Variants in AGAP4 observed in about 807,000 individuals in gnomAD.
AGAP4 encodes the protein arf-GAP with GTPase, ANK repeat and PH domain-containing protein 4.
Under a neutral mutation model 60.7 loss-of-function variants are expected in AGAP4, and 13 were observed. The ratio of observed to expected loss-of-function variants is 0.21; its 90% CI spans 0.14 to 0.34. AGAP4 has a LOEUF of 0.34. Ranked by LOEUF, AGAP4 falls within the 10% of genes least tolerant of loss-of-function variation. The pLI is 1.00. For missense variants in AGAP4, 169 were observed against 884.0 expected, an observed-to-expected ratio of 0.19 and a Z score of 10.26; for synonymous variants, 70 against 339.0, an observed-to-expected ratio of 0.21 and a Z score of 8.72.
intron 6 of AGAP4, among the ~76,000 whole-genome samples, chr10:45,829,294 C>T (rs1192416463): frequency 7.4e-6 from 1 of 135,044 alleles, no homozygotes; most frequent in Non-Finnish European, 1.6e-5. Context: ...TGACATGTCT[C>T]TAATATTCTG....
upstream of AGAP4, among the ~76,000 whole-genome samples, chr10:45,849,721 A>C (rs1590043990): frequency 2.0e-5 from 3 of 150,732 alleles, no homozygotes; most frequent in Admixed American, 6.6e-5. Context: ...GCTCACTGCA[A>C]CCTCCGCCTC....
chr10:45,841,157 C>T (rs1481702172), intron 4 of AGAP4, among the ~76,000 whole-genome samples: 1 of 96,336 alleles, frequency 1.0e-5, no homozygotes, highest in Admixed American at 9.3e-5. Flanking sequence ...GGCTGGAGTG[C>T]AATGGCGCGA....
chr10:45,830,673 G>C (rs1167934323), intron 6 of AGAP4, among the ~76,000 whole-genome samples: 9 of 127,900 alleles, frequency 7.0e-5, no homozygotes, highest in East Asian at 4.6e-4. Context: ...TTTTAGTAGA[G>C]ACGGGGCTTC....
intron 1 of AGAP4, among the ~76,000 whole-genome samples, chr10:45,852,506 T>C (rs1436597900): frequency 2.0e-5 from 3 of 150,718 alleles, no homozygotes; most frequent in Non-Finnish European, 4.4e-5. Context: ...AATAAGAAAA[T>C]TATATGCAGT....
chr10:45,853,769 G>C, exon 1 of AGAP4: 2 of 1,287,828 alleles, frequency 1.6e-6, no homozygotes, highest in Non-Finnish European at 2.0e-6. Context: ...AGTTCTCATG[G>C]ACAAAGTTTG....
At chr10:45,849,394 G>A (rs1467930008), upstream of AGAP4, among the ~76,000 whole-genome samples, 7,759 of 99,494 alleles carry the variant, frequency 0.078, no homozygotes, top group Admixed American at 0.11. Context: ...TTGGGTGGGG[G>A]CATGGCAAAA....
rs1332139764 is a variant in AGAP4 at position 45,852,752 on chromosome 10, C to A, written n.221+903G>T. On this transcript the variant is annotated intron_variant and non_coding_transcript_variant, in intron 1 of 9. Transcript: ENST00000430779. The stretch of plus-strand genomic sequence containing the variant: ...ATTCAAGAAAGCTCAGTTTCAGTAA[C>A]CAGTATCTAGTAAAATCTTCAGGAC... Among the ~76,000 whole-genome samples, 714 of 152,018 alleles carry A rather than the reference C, an allele frequency of 4.7e-3. 3 individuals are homozygous for A. Among genetic ancestry groups the A allele is most frequent in the African/African-American group, 0.016 (683 of 41,460 alleles).
upstream of AGAP4, chr10:45,848,096 T>C (rs2059029757): frequency 1.2e-5 from 12 of 988,520 alleles, no homozygotes; most frequent in South Asian, 3.3e-4. Context: ...ACCTGAATTG[T>C]TGACTGCTTT....
At chr10:45,853,888 G>A (rs2059111491), upstream of AGAP4, 1 of 1,211,922 alleles carries the variant, frequency 8.3e-7, no homozygotes, top group South Asian at 1.5e-5. Context: ...TTCAGTTCAG[G>A]TCTCTCATGA....
At chr10:45,829,342 T>TG (rs2058694592) in intron 6 of AGAP4, among the ~76,000 whole-genome samples, 1 of 146,026 alleles carries the variant, frequency 6.8e-6, no homozygotes, top group Non-Finnish European at 1.5e-5. Context: ...TTTTTTTTTT[T>TG]TTGTTTTTAA....
chr10:45,831,922 T>A (rs1367775661), intron 5 of AGAP4, among the ~76,000 whole-genome samples: 5 of 147,216 alleles, frequency 3.4e-5, no homozygotes, highest in African/African-American at 1.3e-4. Context: ...TTTTGGGGGG[T>A]GGGGTGGATG....
At chr10:45,849,954 C>CA (rs2135974757), upstream of AGAP4, among the ~76,000 whole-genome samples, 1 of 150,242 alleles carries the variant, frequency 6.7e-6, no homozygotes, top group East Asian at 2.0e-4. Flanking sequence ...TTTTTTGAGA[C>CA]AGAGTCTCAC....
At position 45,847,423 on chromosome 10, in the gene AGAP4, G is replaced by A. The variant is rs1472848761; in HGVS notation, c.-76C>T. On this transcript the variant is annotated 5_prime_UTR_variant, in exon 1 of 8. Coordinates refer to ENST00000616763, the MANE Select transcript of AGAP4 (RefSeq NM_001276343.3). ...CCACGCACTCCCGCTGTCCTAGGCC[G>A]AGGCTATGCTGCACTTGCAGAGATG... The A allele has an allele frequency of 9.3e-5, 143 of 1,540,278 alleles. No homozygotes were observed. In the African/African-American group the frequency reaches 1.5e-3, roughly 16 times the overall value.
rs1229056019 is a variant in AGAP4, at chr10:45,834,734, C to T, written c.397-618G>A. On this transcript the variant is annotated intron_variant, in intron 4 of 7. Transcript: ENST00000616763. ...AAATAAGATTTCATTTTTTTTTCTG[C>T]AGCAATAAAAAGCAGCTGAGAATTT... 9.0e-5 allele frequency among the ~76,000 whole-genome samples: 11 copies of T among 122,228 alleles called. 1 individual carries two copies. Among genetic ancestry groups the T allele is most frequent in the Admixed American group, 5.9e-4 (7 of 11,916 alleles). 80.2% of individuals were successfully genotyped at this position (122,228 alleles called of 152,430 possible).
chr10:45,840,070 G>A (rs1405170683), intron 4 of AGAP4, among the ~76,000 whole-genome samples: 11 of 149,778 alleles, frequency 7.3e-5, no homozygotes, highest in Admixed American at 7.3e-4. Context: ...AGAAGAGATA[G>A]TCTGCAGGTT....
intron 4 of AGAP4, among the ~76,000 whole-genome samples, chr10:45,834,342 C>G (rs1183263812): frequency 7.4e-6 from 1 of 134,836 alleles, no homozygotes. Context: ...TGTCATCAAA[C>G]CTAACAAGGA....
upstream of AGAP4, chr10:45,847,592 G>A: frequency 7.0e-7 from 1 of 1,427,752 alleles, no homozygotes; most frequent in Non-Finnish European, 9.1e-7. Flanking sequence ...CTGGGAGGGT[G>A]AAGACCAGCC....
intron 3 of AGAP4, among the ~76,000 whole-genome samples, chr10:45,843,664 C>G (rs2058955629): frequency 7.5e-6 from 1 of 133,408 alleles, no homozygotes; most frequent in African/African-American, 2.8e-5. Flanking sequence ...AGAACCCTCA[C>G]TTGTGTTCTT....
upstream of AGAP4, among the ~76,000 whole-genome samples, chr10:45,851,242 G>A (rs1172302905): frequency 0.026 from 4,023 of 152,086 alleles, 193 homozygotes; most frequent in African/African-American, 0.09. Flanking sequence ...TGATTTGCAC[G>A]GCATTAAGTG....
Sources: allele counts gnomAD v4.1 joint callset (sites outside exome capture counted in the v4.1 genomes callset), GRCh38; gene constraint gnomAD v4.1.1; transcripts MANE v1.5; gene names NCBI Gene and HGNC (gene_info 2026-07-23, HGNC 2026-07-21).